The following PBX3 variants were observed in gnomAD, a reference collection of about 807,000 sequenced individuals.
PBX3 encodes the protein pre-B-cell leukemia transcription factor 3.
PBX3 carries 14 observed loss-of-function variants against 48.5 expected under a neutral mutation model. The observed-to-expected ratio is 0.29, with a 90% CI of 0.19 to 0.45. The LOEUF (loss-of-function observed/expected upper bound fraction) is 0.45, where lower values mean the gene tolerates loss of function less well. Ranked by LOEUF, PBX3 falls within the 20% of genes least tolerant of loss-of-function variation. The pLI is 1.00. For synonymous variants in PBX3, 210 were observed against 200.3 expected (o/e 1.05, Z -0.41); for missense variants, 386 against 546.7 (o/e 0.71, Z 2.93).
chr9:125,769,544 A>G (rs1836888534), intron 2 of PBX3, among the ~76,000 whole-genome samples: 1 of 152,252 alleles, frequency 6.6e-6, no homozygotes, highest in African/African-American at 2.4e-5. Context: ...TCCTAAAGGC[A>G]ACAGAATATA....
chr9:125,893,526 A>T (rs1840699768), intron 2 of PBX3, among the ~76,000 whole-genome samples: 1 of 152,244 alleles, frequency 6.6e-6, no homozygotes, highest in Non-Finnish European at 1.5e-5. Flanking sequence ...GGCCAAAGCA[A>T]TCAGTGTTTA....
intron 7 of PBX3, among the ~76,000 whole-genome samples, 162 bp from the exon 8 acceptor site, chr9:125,962,850 A>G (rs955882795): frequency 6.6e-6 from 1 of 152,252 alleles, no homozygotes; most frequent in African/African-American, 2.4e-5. Flanking sequence ...TTAAATATGC[A>G]AAGAATGGTT....
chr9:125,751,745 C>T (rs1296332199), intron 2 of PBX3, among the ~76,000 whole-genome samples: 4 of 152,144 alleles, frequency 2.6e-5, no homozygotes, highest in Non-Finnish European at 4.4e-5. Context: ...TAAGATTTTT[C>T]TCCTGATTTT....
chr9:125,861,822 A>T (rs761408302), intron 2 of PBX3, among the ~76,000 whole-genome samples: 2 of 152,206 alleles, frequency 1.3e-5, no homozygotes, highest in South Asian at 2.1e-4. Context: ...GAAGCAAGGG[A>T]CATAGGGTGA....
chr9:125,777,125 C>T (rs188602535), intron 2 of PBX3, among the ~76,000 whole-genome samples: 195 of 151,360 alleles, frequency 1.3e-3, no homozygotes, highest in African/African-American at 4.6e-3. Context: ...GATTCTTGTG[C>T]CTCAGCCTCC....
At chr9:125,965,141 A>C (rs1264339403) in intron 8 of PBX3, among the ~76,000 whole-genome samples, 1 of 152,232 alleles carries the variant, frequency 6.6e-6, no homozygotes, top group African/African-American at 2.4e-5. Context: ...TTGCCACTAT[A>C]GGCCAAGACA....
intron 3 of PBX3, 150 bp downstream of exon 3, chr9:125,916,077 G>A: frequency 8.5e-7 from 1 of 1,179,736 alleles, no homozygotes; most frequent in Non-Finnish European, 1.2e-6. Flanking sequence ...GTGAATTGTT[G>A]GATTCATGAA....
At chr9:125,940,939 C>T (rs1227114357) in intron 5 of PBX3, among the ~76,000 whole-genome samples, 1 of 152,068 alleles carries the variant, frequency 6.6e-6, no homozygotes, top group African/African-American at 2.4e-5. Context: ...TGATGTGTGG[C>T]CCTTTTTTGT....
At chr9:125,768,486 TTA>T (rs541418147) in intron 2 of PBX3, among the ~76,000 whole-genome samples, 11 of 152,228 alleles carry the variant, frequency 7.2e-5, no homozygotes, top group Non-Finnish European at 1.2e-4. Flanking sequence ...CATAAATCGA[TTA>T]TGTTAGCATA....
rs139951382 is a variant in PBX3 at position 125,925,091 on chromosome 9, C to T, written c.517-4564C>T. 1.1e-4 allele frequency among the ~76,000 whole-genome samples: 17 copies of T among 152,298 alleles called. No individual in the cohort carries two copies. The East Asian group carries it at 2.5e-3, about 22-fold the overall frequency. Reference sequence around the variant, plus strand: ...TGACACACGCAATATTAAAGACATACTCAAAGGTTGATATGTAATAAGATG... The same window carrying T: ...TGACACACGCAATATTAAAGACATATTCAAAGGTTGATATGTAATAAGATG... On this transcript the variant is annotated intron_variant, in intron 3 of 8. Transcript: ENST00000373489.
chr9:125,837,542 T>A (rs1839172608), intron 2 of PBX3, among the ~76,000 whole-genome samples: 1 of 152,016 alleles, frequency 6.6e-6, no homozygotes, highest in African/African-American at 2.4e-5. Flanking sequence ...TATGTAACCC[T>A]ATATTTAAAA....
At chr9:125,919,839 G>A (rs1711739158) in intron 3 of PBX3, among the ~76,000 whole-genome samples, 1 of 152,200 alleles carries the variant, frequency 6.6e-6, no homozygotes, top group South Asian at 2.1e-4. Context: ...TAAGCAGACA[G>A]ACTAGAGCTA....
chr9:125,765,340 G>C (rs1204144796), intron 2 of PBX3, among the ~76,000 whole-genome samples: 1 of 152,004 alleles, frequency 6.6e-6, no homozygotes, highest in East Asian at 1.9e-4. Flanking sequence ...TGTACAGACT[G>C]TTGTTCACCA....
chr9:125,748,587 C>T lies in PBX3; in HGVS notation c.238C>T (p.Leu80Phe). The T allele has an allele frequency of 6.2e-7, 1 of 1,613,826 alleles. No homozygotes were observed. The highest frequency in any genetic ancestry group is 8.5e-7 in the Non-Finnish European group (1 of 1,179,942). ...ALNCHRMKPA[L>F]FSVLCEIKEK... ...GAACTGTCACAGAATGAAACCAGCG[C>T]TCTTCAGCGTCCTGTGTGAGATCAA... Residue 80 changes from leucine to phenylalanine, a missense_variant, in exon 2 of 9, where the codon CTC becomes TTC. Leu to Phe is a conservative substitution (Grantham distance 22). Coordinates refer to ENST00000373489, the MANE Select transcript of PBX3 (RefSeq NM_006195.6).
chr9:125,778,493 G>A (rs867968036), intron 2 of PBX3, among the ~76,000 whole-genome samples: 6 of 151,676 alleles, frequency 4.0e-5, no homozygotes, highest in African/African-American at 1.2e-4. Context: ...TCCTGACCTC[G>A]TGATCCACCC....
At chr9:125,937,013 T>G (rs1245464106) in intron 5 of PBX3, among the ~76,000 whole-genome samples, 1 of 152,214 alleles carries the variant, frequency 6.6e-6, no homozygotes, top group African/African-American at 2.4e-5. Flanking sequence ...GAACACCGGA[T>G]GATGATGCCA....
At chr9:125,955,863 A>G (rs1380067377) in intron 5 of PBX3, among the ~76,000 whole-genome samples, 1 of 152,240 alleles carries the variant, frequency 6.6e-6, no homozygotes, top group African/African-American at 2.4e-5. Context: ...AAGTCCAGGC[A>G]GGCAGGGGCC....
At chr9:125,769,894 A>C (rs1353268159) in intron 2 of PBX3, among the ~76,000 whole-genome samples, 2 of 152,116 alleles carry the variant, frequency 1.3e-5, no homozygotes, top group Non-Finnish European at 2.9e-5. Flanking sequence ...AAACTGAGTG[A>C]ATTGTTTATT....
At position 125,886,629 on chromosome 9, in the gene PBX3, A is replaced by G. The variant is rs149781450; in HGVS notation, c.275-29057A>G. ...GAGAAAGGACAGCAGCAGAACGGAA[A>G]AAACCAGCATAAAAACTGTTTTGTG... is the stretch of plus-strand genomic sequence containing the variant. On this transcript the variant is annotated intron_variant, in intron 2 of 8. Coordinates refer to ENST00000373489, the MANE Select transcript of PBX3 (RefSeq NM_006195.6). Among the ~76,000 whole-genome samples the G allele has an allele frequency of 2.9e-4, 44 of 152,274 alleles. No homozygotes were observed. The Middle Eastern group carries it at 0.01, about 35-fold the overall frequency.
Sources: allele counts gnomAD v4.1 joint callset (sites outside exome capture counted in the v4.1 genomes callset), GRCh38; gene constraint gnomAD v4.1.1; transcripts MANE v1.5; gene names NCBI Gene and HGNC (gene_info 2026-07-23, HGNC 2026-07-21).